ATP9B: variants seen among roughly 807,000 people sequenced by gnomAD.
ATP9B encodes the protein ATPase phospholipid transporting 9B, also known as probable phospholipid-transporting ATPase IIB.
A neutral mutation model predicts 146.1 loss-of-function variants in ATP9B; 110 were observed. That is an observed-to-expected ratio of 0.75 (90% CI 0.65 to 0.88). The LOEUF (loss-of-function observed/expected upper bound fraction) is 0.88. Among genes scored for constraint, ATP9B ranks in the 40% least tolerant of loss-of-function variants. ATP9B has a pLI of 0.00. For synonymous variants in ATP9B, 604 were observed against 569.7 expected (o/e 1.06, Z -0.86); for missense variants, 1,499 against 1,496.4 (o/e 1.00, Z -0.03).
chr18:79,112,326 C>T (rs868151188), intron 3 of ATP9B, among the ~76,000 whole-genome samples: 115 of 152,252 alleles, frequency 7.6e-4, no homozygotes, highest in African/African-American at 2.4e-3. Context: ...CATCTGTAAA[C>T]GTAAGTTTTG....
intron 13 of ATP9B, 111 bp from the exon 14 acceptor site, chr18:79,303,493 A>G: frequency 2.7e-6 from 2 of 734,760 alleles, no homozygotes. Flanking sequence ...ACAGTTGGGC[A>G]TCCCAGCTGC....
Position 79,078,809 on chromosome 18 carries a change from C to G in ATP9B, c.119+9280C>G, listed in dbSNP as rs574374954. Among the ~76,000 whole-genome samples, 16 of 152,244 alleles carry G rather than the reference C, an allele frequency of 1.1e-4. No homozygotes were observed. In the South Asian group the frequency reaches 3.3e-3, roughly 32 times the overall value. ...TATTTCTCCTAATGTTATCCTTCAC[C>G]TAGCCCCCCACACCCCGACAGGCCC... On this transcript the variant is annotated intron_variant, in intron 1 of 29. Transcript: ENST00000426216.
intron 11 of ATP9B, among the ~76,000 whole-genome samples, chr18:79,219,440 GT>G (rs559566552): frequency 5.3e-4 from 81 of 152,018 alleles, no homozygotes; most frequent in African/African-American, 1.9e-3. Context: ...ACCTATTAAT[GT>G]TTTTAGTAAA....
intron 1 of ATP9B, among the ~76,000 whole-genome samples, chr18:79,089,407 C>T (rs56751697): frequency 0.069 from 10,525 of 152,162 alleles, 1,271 homozygotes; most frequent in African/African-American, 0.24. Flanking sequence ...TCTTCAGCTG[C>T]TTCTGGTGTC....
At chr18:79,327,773 A>ACGTGCTCTCCGTGGTTAG (rs1239234953) in intron 15 of ATP9B, among the ~76,000 whole-genome samples, 17 of 16,164 alleles carry the variant, frequency 1.1e-3, no homozygotes, top group African/African-American at 3.9e-3. Context: ...TCTGTGGTTA[A>ACGTGCTCTCCGTGGTTAG]CGTGCTCTCC....
chr18:79,224,886 G>T (rs764744195), intron 11 of ATP9B, among the ~76,000 whole-genome samples: 7 of 151,508 alleles, frequency 4.6e-5, no homozygotes, highest in African/African-American at 1.7e-4. Flanking sequence ...CAGTGGAGAA[G>T]GAAGCCCAGG....
chr18:79,150,561 C>T (rs2094672631), intron 6 of ATP9B, among the ~76,000 whole-genome samples: 1 of 152,002 alleles, frequency 6.6e-6, no homozygotes, highest in Non-Finnish European at 1.5e-5. Flanking sequence ...CTTGTGGTGC[C>T]CCTAGTTTTG....
At chr18:79,375,259 C>G (rs1290892982) in intron 28 of ATP9B, 135 bp from the exon 29 acceptor site, 2 of 736,974 alleles carry the variant, frequency 2.7e-6, no homozygotes, top group Non-Finnish European at 4.5e-6. Context: ...GATGTTAAAA[C>G]CACATTGAAA....
At position 79,344,276 on chromosome 18, in the gene ATP9B, G is replaced by C. The variant is rs758228827; in HGVS notation, c.2394G>C (p.Arg798=). 8.7e-6 allele frequency: 14 copies of C among 1,614,086 alleles called. No homozygotes were observed. Among genetic ancestry groups the C allele is most frequent in the Non-Finnish European group, 1.2e-5 (14 of 1,180,032 alleles). The stretch of plus-strand genomic sequence containing the variant: ...CTCCCTTAATGGAGGTAACCAGTCG[G>C]GGAGAGGCACATTTGGAGCTGAATG... ...DIHIFRQVTS[R]GEAHLELNAF... is the part of the protein sequence containing the mutation. Residue 798 remains arginine (R), a synonymous_variant, in exon 21 of 30, where the codon CGG becomes CGC. Coordinates refer to ENST00000426216, the MANE Select transcript of ATP9B (RefSeq NM_198531.5).
At chr18:79,199,379 C>G (rs980859159) in intron 9 of ATP9B, among the ~76,000 whole-genome samples, 3 of 152,206 alleles carry the variant, frequency 2.0e-5, no homozygotes, top group African/African-American at 7.2e-5. Context: ...ACACATTGTA[C>G]ACCTGTACAA....
chr18:79,283,560 A>G (rs2096401926), intron 13 of ATP9B, among the ~76,000 whole-genome samples: 1 of 152,234 alleles, frequency 6.6e-6, no homozygotes, highest in Non-Finnish European at 1.5e-5. Flanking sequence ...TCTTGTGGAC[A>G]AGAAAGCAAT....
At chr18:79,256,284 T>TATATATATATATATATATATACATAC (rs1217998447) in intron 12 of ATP9B, among the ~76,000 whole-genome samples, 7 of 122,892 alleles carry the variant, frequency 5.7e-5, no homozygotes, top group Non-Finnish European at 5.5e-5. Context: ...TATATATATA[T>TATATATATATATATATATATACATAC]ATACATACAT....
At chr18:79,242,801 CAT>C (rs1185300185) in intron 11 of ATP9B, among the ~76,000 whole-genome samples, 7 of 152,276 alleles carry the variant, frequency 4.6e-5, no homozygotes, top group African/African-American at 1.7e-4. Context: ...TCTCTGAAGA[CAT>C]AAAGTAACAC....
At chr18:79,374,520 G>A (rs1423705609) in intron 28 of ATP9B, among the ~76,000 whole-genome samples, 6 of 146,648 alleles carry the variant, frequency 4.1e-5, no homozygotes, top group East Asian at 4.2e-4. Context: ...CTGGCTGGCC[G>A]GTCCCCTGAC....
At position 79,099,308 on chromosome 18, in the gene ATP9B, G is replaced by A. The variant is rs140954105; in HGVS notation, c.293+2659G>A. 3.9e-3 allele frequency among the ~76,000 whole-genome samples: 595 copies of A among 151,908 alleles called. 3 individuals are homozygous for A. The highest frequency in any genetic ancestry group is 0.025 in the South Asian group (119 of 4,794). ...GTGATGTCAGCTCACCTCAACCTCC[G>A]CCTTCTGGGTTCAAGCGATTCTCCT... On this transcript the variant is annotated intron_variant, in intron 2 of 29. Transcript: ENST00000426216.
intron 13 of ATP9B, among the ~76,000 whole-genome samples, chr18:79,282,931 C>T (rs772973274): frequency 1.3e-5 from 2 of 152,188 alleles, no homozygotes; most frequent in Non-Finnish European, 2.9e-5. Flanking sequence ...GTTTGTTACA[C>T]AGCTCTAGAT....
chr18:79,177,594 T>C (rs1390186186), intron 8 of ATP9B, among the ~76,000 whole-genome samples: 1 of 152,210 alleles, frequency 6.6e-6, no homozygotes, highest in African/African-American at 2.4e-5. Flanking sequence ...TGCGACTTTG[T>C]ATTGATATTT....
chr18:79,264,215 G>A (rs1418686479), intron 12 of ATP9B, among the ~76,000 whole-genome samples: 3 of 152,214 alleles, frequency 2.0e-5, no homozygotes, highest in East Asian at 1.9e-4. Flanking sequence ...CAACATCAGT[G>A]TGGAGAATAG....
chr18:79,143,852 G>A lies in ATP9B; in HGVS notation c.718G>A (p.Val240Met), dbSNP rs137963592. ...CATACAAGTTGGAGACCTCATCATAGTGGAAAAGGTTGATGATTTTTTAAT... is the reference window on the plus strand; with the variant it reads ...CATACAAGTTGGAGACCTCATCATAATGGAAAAGGTTGATGATTTTTTAAT... Reference protein sequence around the residue: ...SDIQVGDLIIVEKNQRIPSDM... With the variant: ...SDIQVGDLIIMEKNQRIPSDM... Residue 240 changes from valine (V) to methionine (M), a missense_variant, in exon 6 of 30, where the codon GTG becomes ATG. By Grantham distance (21) the Val-to-Met change is conservative. Transcript: ENST00000426216. 69 of 1,573,754 alleles carry A rather than the reference G, an allele frequency of 4.4e-5. No homozygotes were observed. Among genetic ancestry groups the A allele is most frequent in the Non-Finnish European group, 4.9e-5 (57 of 1,160,228 alleles).
Sources: gnomAD v4.1 joint callset for allele counts (sites outside exome capture counted in the v4.1 genomes callset) on GRCh38, gnomAD v4.1.1 for gene constraint, MANE v1.5 for transcripts, NCBI Gene and HGNC (gene_info 2026-07-23, HGNC 2026-07-21) for gene names.